PCDHGA1: variants seen among roughly 807,000 people sequenced by gnomAD.
PCDHGA1 encodes the protein protocadherin gamma-A1.
A neutral mutation model predicts 58.0 loss-of-function variants in PCDHGA1; 32 were observed. The observed-to-expected ratio is 0.55, with a 90% CI of 0.42 to 0.74. The LOEUF (loss-of-function observed/expected upper bound fraction) is 0.74, where lower values mean the gene tolerates loss of function less well. Ranked by LOEUF, PCDHGA1 falls within the 30% of genes least tolerant of loss-of-function variation. The pLI, the probability that PCDHGA1 is intolerant of heterozygous loss-of-function variation, is 0.00. For synonymous variants in PCDHGA1, 498 were observed against 501.1 expected, an observed-to-expected ratio of 0.99 and a Z score of 0.08; for missense variants, 1,205 against 1,182.3, an observed-to-expected ratio of 1.02 and a Z score of -0.28.
intron 1 of PCDHGA1, chr5:141,374,688 G>T (rs750510871): frequency 1.2e-6 from 2 of 1,609,528 alleles, no homozygotes; most frequent in South Asian, 2.2e-5. Context: ...ACACTGGACC[G>T]GGAAGGAGAA....
intron 1 of PCDHGA1, chr5:141,384,782 C>G (rs746906389): frequency 6.2e-7 from 1 of 1,613,642 alleles, no homozygotes; most frequent in Non-Finnish European, 8.5e-7. Flanking sequence ...GAGGTGCGCA[C>G]GGCTCGGGCC....
rs1272694679 is a variant in PCDHGA1, at chr5:141,486,884, C to T, written c.2422-7923C>T. 7 of 1,614,106 alleles carry T rather than the reference C, an allele frequency of 4.3e-6. No individual in the cohort carries two copies. The highest frequency in any genetic ancestry group is 1.1e-5 in the South Asian group (1 of 91,082). ...TCCAGCTGTGCTCCGTCCTCGGGCC[C>T]GGCCTGGTTCCTTATGTCCCCAAGC... On this transcript the variant is annotated intron_variant, in intron 1 of 3. Coordinates refer to ENST00000517417, the MANE Select transcript of PCDHGA1 (RefSeq NM_018912.3). The surrounding 1 kb of genome is among the most constrained non-coding windows in gnomAD (Gnocchi z 5.0).
intron 1 of PCDHGA1, chr5:141,379,423 A>G (rs1261037274): frequency 3.3e-5 from 5 of 152,260 alleles, no homozygotes. Context: ...CTCATGAGTT[A>G]GATGGGCTGT....
chr5:141,357,569 C>T lies in PCDHGA1; in HGVS notation c.2421+24464C>T, dbSNP rs755555398. On this transcript the variant is annotated intron_variant, in intron 1 of 3. Coordinates refer to ENST00000517417, the MANE Select transcript of PCDHGA1 (RefSeq NM_018912.3). ...CGGGAGAGTTGTGAGAAAAGCGAGCCTCTTCTGATAACTCAGGATTTACTT... is the reference window on the plus strand; with the variant it reads ...CGGGAGAGTTGTGAGAAAAGCGAGCTTCTTCTGATAACTCAGGATTTACTT... 60 of 1,614,090 alleles carry T rather than the reference C, an allele frequency of 3.7e-5. No individual in the cohort carries two copies. Among genetic ancestry groups the T allele is most frequent in the Non-Finnish European group, 4.7e-5 (56 of 1,180,048 alleles).
intron 1 of PCDHGA1, chr5:141,413,459 A>C: frequency 1.9e-6 from 3 of 1,614,080 alleles, no homozygotes; most frequent in Non-Finnish European, 2.5e-6. Flanking sequence ...GGCAGGATAG[A>C]CCGGGAGGAG....
chr5:141,413,170 A>G, intron 1 of PCDHGA1: 1 of 1,595,602 alleles, frequency 6.3e-7, no homozygotes, highest in Non-Finnish European at 8.5e-7. Flanking sequence ...CTGTAACCAG[A>G]CTACAATGGC....
Position 141,485,094 on chromosome 5 carries a change from C to A in PCDHGA1, c.2422-9713C>A. ...GGCGCGGGGAAAGGGAGATAGGTGT[C>A]TCCAGCTGCTGTGGCTGTTTGGGGC... On this transcript the variant is annotated intron_variant, in intron 1 of 3. Coordinates refer to ENST00000517417, the MANE Select transcript of PCDHGA1 (RefSeq NM_018912.3). The surrounding 1 kb of genome is among the most constrained non-coding windows in gnomAD (Gnocchi z 5.7). 9.1e-7 allele frequency: 1 copy of A among 1,100,766 alleles called. No individual in the cohort carries two copies. Among genetic ancestry groups the A allele is most frequent in the Non-Finnish European group, 1.4e-6 (1 of 736,922 alleles). The allele number at this position is 1,100,766 out of a possible 1,614,324, so 68.2% of individuals were successfully genotyped here. A position where few individuals can be genotyped will look rare whatever the true frequency, so the allele number is the denominator to read the frequency against.
At chr5:141,505,323 G>C in intron 2 of PCDHGA1, 70 bp from the exon 3 acceptor site, 1 of 1,606,758 alleles carries the variant, frequency 6.2e-7, no homozygotes, top group South Asian at 1.1e-5. Flanking sequence ...GGGAGCCCTG[G>C]GAGAGGACAG....
chr5:141,376,977 G>T (rs529935042), intron 1 of PCDHGA1: 1 of 157,454 alleles, frequency 6.4e-6, no homozygotes, highest in Admixed American at 6.2e-5. Flanking sequence ...GTGAGCCACC[G>T]CGCCCGGCCG....
rs1756367106 is a variant in PCDHGA1 at position 141,331,555 on chromosome 5, A to G, written c.871A>G (p.Ile291Val). Reference protein sequence around the residue: ...FHNVDHRVAQIFRLDSYTGEI... With the variant: ...FHNVDHRVAQVFRLDSYTGEI... ...CAATGTAGACCACAGAGTGGCCCAA[A>G]TATTTCGTTTAGATTCTTACACAGG... Residue 291 changes from isoleucine (I) to valine (V), a missense_variant, in exon 1 of 4, where the codon ATA (isoleucine) becomes GTA (valine). Coordinates refer to ENST00000517417, the MANE Select transcript of PCDHGA1 (RefSeq NM_018912.3). 6.2e-7 allele frequency: 1 copy of G among 1,614,198 alleles called. No individual in the cohort carries two copies. The highest frequency in any genetic ancestry group is 1.1e-5 in the South Asian group (1 of 91,084).
chr5:141,366,115 C>T (rs1764340105), intron 1 of PCDHGA1: 1 of 1,614,120 alleles, frequency 6.2e-7, no homozygotes, highest in Non-Finnish European at 8.5e-7. Context: ...TAGCGGTGGA[C>T]AAAGATTCAG....
At chr5:141,369,470 C>T (rs752917426) in intron 1 of PCDHGA1, among the ~76,000 whole-genome samples, 13 of 152,166 alleles carry the variant, frequency 8.5e-5, no homozygotes, top group African/African-American at 1.9e-4. Context: ...TGTTCTAGCC[C>T]AGCCTGGGCA....
intron 1 of PCDHGA1, among the ~76,000 whole-genome samples, chr5:141,444,646 G>T (rs1023259048): frequency 1.3e-5 from 2 of 152,098 alleles, no homozygotes; most frequent in Non-Finnish European, 2.9e-5. Flanking sequence ...TGAGGTAGGG[G>T]TTGAAGTTAT....
chr5:141,490,132 A>G lies in PCDHGA1; in HGVS notation c.2422-4675A>G, dbSNP rs1245562757. The G allele has an allele frequency of 3.7e-6, 6 of 1,614,102 alleles. No homozygotes were observed. In the African/African-American group the frequency reaches 4.0e-5, roughly 11 times the overall value. ...GCGGAACCTCTTTGGCCTAGACCCTAGCAGTGGGGCAATCCATGTGTTGGG... is the reference window on the plus strand; with the variant it reads ...GCGGAACCTCTTTGGCCTAGACCCTGGCAGTGGGGCAATCCATGTGTTGGG... On this transcript the variant is annotated intron_variant, in intron 1 of 3. Coordinates refer to ENST00000517417, the MANE Select transcript of PCDHGA1 (RefSeq NM_018912.3). The surrounding 1 kb of genome is among the most constrained non-coding windows in gnomAD (Gnocchi z 5.4).
chr5:141,400,521 G>A (rs1462677478), intron 1 of PCDHGA1: 5 of 1,613,972 alleles, frequency 3.1e-6, no homozygotes, highest in Non-Finnish European at 4.2e-6. Context: ...CCCATCCTGA[G>A]TTGGTGAGTT....
chr5:141,418,938 C>G, intron 1 of PCDHGA1: 1 of 1,613,738 alleles, frequency 6.2e-7, no homozygotes, highest in Non-Finnish European at 8.5e-7. Flanking sequence ...ATGGAGGATT[C>G]CCCTCCAGGA....
In PCDHGA1 at chr5:141,432,272, G is replaced by A. The variant is rs772255343; in HGVS notation, c.2422-62535G>A. On this transcript the variant is annotated intron_variant, in intron 1 of 3. Transcript: ENST00000517417. The surrounding 1 kb of genome is among the most constrained non-coding windows in gnomAD (Gnocchi z 6.0). ...CCAAGGGGCAAGCCTATCGTCCTAC[G>A]TGTCCATCAACTCCGACACTGGGGT... 1 of 1,614,210 alleles carries A rather than the reference G, an allele frequency of 6.2e-7. No individual in the cohort carries two copies. Among genetic ancestry groups the A allele is most frequent in the South Asian group, 1.1e-5 (1 of 91,086 alleles).
chr5:141,395,016 G>A (rs772379480), intron 1 of PCDHGA1: 2 of 1,614,068 alleles, frequency 1.2e-6, no homozygotes, highest in Non-Finnish European at 1.7e-6. Flanking sequence ...ATTGGTAGGC[G>A]TGCCTGCCTC....
intron 1 of PCDHGA1, chr5:141,339,334 G>T (rs1330023234): frequency 1.1e-5 from 18 of 1,614,248 alleles, no homozygotes; most frequent in Non-Finnish European, 1.5e-5. Context: ...CAGTAGAGGT[G>T]GAAATAACAG....
Sources: allele counts gnomAD v4.1 joint callset (sites outside exome capture counted in the v4.1 genomes callset), GRCh38; gene constraint gnomAD v4.1.1; non-coding constraint Gnocchi (gnomAD v3.1); transcripts MANE v1.5; gene names NCBI Gene and HGNC (gene_info 2026-07-23, HGNC 2026-07-21).